NYAP2: variants seen among roughly 807,000 people sequenced by gnomAD.
The protein encoded by NYAP2 is neuronal tyrosine-phosphorylated phosphoinositide-3-kinase adaptor 2.
NYAP2 carries 23 observed loss-of-function variants against 50.4 expected under a neutral mutation model. The observed-to-expected ratio is 0.46, with a 90% CI of 0.33 to 0.65. The LOEUF is 0.65. Ranked by LOEUF, NYAP2 falls within the 30% of genes least tolerant of loss-of-function variation. The pLI, the probability that NYAP2 is intolerant of heterozygous loss-of-function variation, is 0.02. For synonymous variants in NYAP2, 394 were observed against 365.2 expected, an observed-to-expected ratio of 1.08 and a Z score of -0.90; for missense variants, 885 against 861.0, an observed-to-expected ratio of 1.03 and a Z score of -0.35.
intron 3 of NYAP2, among the ~76,000 whole-genome samples, chr2:225,503,383 A>T (rs1217322739): frequency 6.6e-6 from 1 of 152,220 alleles, no homozygotes; most frequent in Non-Finnish European, 1.5e-5. Context: ...TATAGAAATG[A>T]GGAATGTTTT....
chr2:225,692,735 T>C, the NYAP2 span, among the ~76,000 whole-genome samples: 2 of 152,056 alleles, frequency 1.3e-5, no homozygotes, highest in African/African-American at 4.8e-5. Flanking sequence ...CTTTTCAATG[T>C]CACACAATGA....
intron 5 of NYAP2, among the ~76,000 whole-genome samples, chr2:225,616,387 C>G (rs13421386): frequency 8.5e-5 from 13 of 152,152 alleles, no homozygotes; most frequent in African/African-American, 3.1e-4. Context: ...CCTCTTTTCC[C>G]TAGAGACTTG....
chr2:225,572,717 T>C (rs757073953), intron 4 of NYAP2, among the ~76,000 whole-genome samples: 1 of 152,156 alleles, frequency 6.6e-6, no homozygotes, highest in Non-Finnish European at 1.5e-5. Context: ...AATCTGAACT[T>C]AGAAAATGAA....
rs180964310 is a variant in NYAP2, at chr2:225,510,467, G to A, written c.222-2904G>A. Among the ~76,000 whole-genome samples, 145 of 152,180 alleles carry A rather than the reference G, an allele frequency of 9.5e-4. 1 individual carries two copies. The highest frequency in any genetic ancestry group is 4.1e-4 in the Non-Finnish European group (28 of 68,002). On this transcript the variant is annotated intron_variant, in intron 3 of 6. Coordinates refer to ENST00000636099, the Ensembl canonical transcript of NYAP2. ...ATGATTCAATCATTGCCCTTCATAT[G>A]GAGTCTGGGAATCTGTATATTTAAA...
chr2:225,621,565 G>A (rs1014817428), intron 5 of NYAP2, among the ~76,000 whole-genome samples: 1 of 151,986 alleles, frequency 6.6e-6, no homozygotes, highest in Non-Finnish European at 1.5e-5. Flanking sequence ...ACAACAAAAT[G>A]AATGTACTTT....
At chr2:225,618,665 G>C (rs969568598) in intron 5 of NYAP2, among the ~76,000 whole-genome samples, 8 of 152,132 alleles carry the variant, frequency 5.3e-5, no homozygotes, top group African/African-American at 1.9e-4. Flanking sequence ...CAAATATAGA[G>C]AAAACAACTC....
chr2:225,570,722 A>G (rs533735641), intron 4 of NYAP2, among the ~76,000 whole-genome samples: 7 of 152,170 alleles, frequency 4.6e-5, no homozygotes, highest in Non-Finnish European at 8.8e-5. Flanking sequence ...TAACCAAACC[A>G]TATCATTCTG....
chr2:225,445,265 ATGCTAAAGTACATAAAAT>A (rs1689534590), intron 3 of NYAP2, among the ~76,000 whole-genome samples: 1 of 152,168 alleles, frequency 6.6e-6, no homozygotes, highest in African/African-American at 2.4e-5. Context: ...TTAGGAACTT[ATGCTAAAGTACATAAAAT>A]TATGTACTTT....
In NYAP2 at chr2:225,625,043, T is replaced by TAAAAAA. The variant is rs386392796; in HGVS notation, c.1619-1850_1619-1845dup. ...GTTGATAAGGATTTTAACCCAAGCG[T>TAAAAAA]AAAAAAAAAAAAAAAAAAAAAAAAA... On this transcript the variant is annotated intron_variant, in intron 5 of 6. Transcript: ENST00000636099. 1.2e-3 allele frequency among the ~76,000 whole-genome samples: 85 copies of TAAAAAA among 69,624 alleles called. 1 individual carries two copies. Among genetic ancestry groups the TAAAAAA allele is most frequent in the Middle Eastern group, 0.024 (2 of 84 alleles). The allele number at this position is 69,624 out of a possible 152,430, so 45.7% of individuals were successfully genotyped here. A position where few individuals can be genotyped will look rare whatever the true frequency, so the allele number is the denominator to read the frequency against.
chr2:225,399,153 A>G (rs1174720342), upstream of NYAP2, among the ~76,000 whole-genome samples: 1 of 152,078 alleles, frequency 6.6e-6, no homozygotes, highest in Non-Finnish European at 1.5e-5. Context: ...GGAAAAATCT[A>G]TAGGTCACTA....
At chr2:225,455,424 T>C (rs1689724797) in intron 3 of NYAP2, among the ~76,000 whole-genome samples, 2 of 152,206 alleles carry the variant, frequency 1.3e-5, no homozygotes, top group African/African-American at 2.4e-5. Flanking sequence ...ATATACTATT[T>C]AATGCCAAAC....
intron 6 of NYAP2, among the ~76,000 whole-genome samples, chr2:225,648,296 G>A (rs957879305): frequency 2.6e-5 from 4 of 152,026 alleles, no homozygotes; most frequent in East Asian, 3.9e-4. Context: ...CACTGCACCC[G>A]GCCCAAATAG....
At chr2:225,499,846 A>G (rs1030138067) in intron 3 of NYAP2, among the ~76,000 whole-genome samples, 1 of 152,204 alleles carries the variant, frequency 6.6e-6, no homozygotes, top group African/African-American at 2.4e-5. Flanking sequence ...GACAAGAAAA[A>G]ATAGCAGAAG....
chr2:225,522,758 C>G (rs2106192228), intron 4 of NYAP2, among the ~76,000 whole-genome samples: 1 of 152,232 alleles, frequency 6.6e-6, no homozygotes, highest in East Asian at 1.9e-4. Context: ...TTACTCTATC[C>G]AGGTCATAGA....
At chr2:225,447,050 G>A (rs1334681991) in intron 3 of NYAP2, among the ~76,000 whole-genome samples, 7 of 151,766 alleles carry the variant, frequency 4.6e-5, no homozygotes, top group South Asian at 2.1e-4. Context: ...AAGATGAGTG[G>A]GGGGAGCAAG....
chr2:225,472,173 C>T (rs17410253), intron 3 of NYAP2, among the ~76,000 whole-genome samples: 4 of 152,110 alleles, frequency 2.6e-5, no homozygotes, highest in East Asian at 3.9e-4. Flanking sequence ...GAATCTGGCT[C>T]GCACGACTCA....
intron 4 of NYAP2, among the ~76,000 whole-genome samples, chr2:225,518,348 T>G (rs1379328141): frequency 6.6e-6 from 1 of 150,844 alleles, no homozygotes; most frequent in Non-Finnish European, 1.5e-5. Flanking sequence ...CACCAGGGGC[T>G]AGGGCAGGAG....
At chr2:225,587,062 A>G (rs1692400954) in intron 5 of NYAP2, among the ~76,000 whole-genome samples, 1 of 152,200 alleles carries the variant, frequency 6.6e-6, no homozygotes, top group Non-Finnish European at 1.5e-5. Context: ...TAAAACAATT[A>G]GATCTTGTGA....
chr2:225,609,261 C>A (rs1692840111), intron 5 of NYAP2, among the ~76,000 whole-genome samples: 1 of 152,134 alleles, frequency 6.6e-6, no homozygotes, highest in Non-Finnish European at 1.5e-5. Context: ...AGACAGTAAG[C>A]TATAGTCAAC....
Sources: allele counts gnomAD v4.1 joint callset (sites outside exome capture counted in the v4.1 genomes callset), GRCh38; gene constraint gnomAD v4.1.1; transcripts MANE v1.5; gene names NCBI Gene and HGNC (gene_info 2026-07-23, HGNC 2026-07-21).